Variants in ECE1 observed in about 807,000 individuals in gnomAD.
ECE1 encodes the protein endothelin-converting enzyme 1.
In ECE1, 35 loss-of-function variants were observed where a neutral mutation model predicts 98.6. The observed-to-expected ratio is 0.35, with a 90% CI of 0.27 to 0.47. ECE1 has a LOEUF of 0.47. Among genes scored for constraint, ECE1 ranks in the 20% least tolerant of loss-of-function variants. The pLI, the probability that ECE1 is intolerant of heterozygous loss-of-function variation, is 1.00. For missense variants in ECE1, 814 were observed against 1,025.3 expected (o/e 0.79, Z 2.81); for synonymous variants, 394 against 407.1 (o/e 0.97, Z 0.39).
intron 1 of ECE1, among the ~76,000 whole-genome samples, chr1:21,301,383 A>C (rs917624428): frequency 2.0e-5 from 3 of 152,122 alleles, no homozygotes; most frequent in African/African-American, 7.2e-5. Flanking sequence ...AGTCCCAGCT[A>C]CTTGGGAGGC....
chr1:21,345,500 C>G lies in ECE1; in HGVS notation c.-122G>C. On this transcript the variant is annotated 5_prime_UTR_variant, in exon 1 of 19. Coordinates refer to the ECE1 transcript ENST00000415912. The surrounding 1 kb of genome is among the most constrained non-coding windows in gnomAD (Gnocchi z 5.1). ...GCTCGGCTGCCTGGCCCAGGCGGCG[C>G]GCTCAGCTCCAGCGGGCGAGCTCGC... 1 of 976,502 alleles carries G rather than the reference C, an allele frequency of 1.0e-6. No homozygotes were observed. Among genetic ancestry groups the G allele is most frequent in the Non-Finnish European group, 1.3e-6 (1 of 765,624 alleles). 60.5% of individuals were successfully genotyped at this position (976,502 alleles called of 1,614,324 possible). A position where few individuals can be genotyped will look rare whatever the true frequency, so the allele number is the denominator to read the frequency against.
At chr1:21,272,552 A>C in intron 4 of ECE1, 147 bp downstream of exon 4, 1 of 992,322 alleles carries the variant, frequency 1.0e-6, no homozygotes, top group Non-Finnish European at 1.6e-6. Flanking sequence ...TTGACCTCTC[A>C]AAGTGCTGGG....
In ECE1 at chr1:21,319,823, C is replaced by T. The variant is rs550314319; in HGVS notation, c.3+25553G>A. On this transcript the variant is annotated intron_variant, in intron 1 of 18. Transcript: ENST00000415912. This position sits in a 1 kb window ranked among gnomAD's most constrained non-coding sequence, Gnocchi z 4.4. ...AGCTGAGACAGGCTGAACAAACACACGCGGTCCCATGGCTTCTAGTGCCAG... is the reference window on the plus strand; with the variant it reads ...AGCTGAGACAGGCTGAACAAACACATGCGGTCCCATGGCTTCTAGTGCCAG... 6.6e-6 allele frequency among the ~76,000 whole-genome samples: 1 copy of T among 152,278 alleles called. No homozygotes were observed. Among genetic ancestry groups the T allele is most frequent in the African/African-American group, 2.4e-5 (1 of 41,566 alleles).
rs919299788 is a variant in ECE1, at chr1:21,219,671, T to G, written c.*284A>C. The G allele has an allele frequency of 2.0e-5, 10 of 506,134 alleles. No homozygotes were observed. Among genetic ancestry groups the G allele is most frequent in the African/African-American group, 1.3e-4 (7 of 52,356 alleles). The allele number at this position is 506,134 out of a possible 1,614,324, so 31.4% of individuals were successfully genotyped here. On this transcript the variant is annotated 3_prime_UTR_variant, in exon 19 of 19. Transcript: ENST00000374893. The surrounding 1 kb of genome is among the most constrained non-coding windows in gnomAD (Gnocchi z 4.5). ...GTGGTATTTGTGGCGTATCTGGCGC[T>G]TGTCAGTGTGGGGCCCAGGCCTGAT...
At chr1:21,305,384 G>T (rs1638573769) in intron 1 of ECE1, among the ~76,000 whole-genome samples, 1 of 152,200 alleles carries the variant, frequency 6.6e-6, no homozygotes, top group Non-Finnish European at 1.5e-5. Flanking sequence ...GAAGGCAAAA[G>T]AAATAAACAG....
intron 10 of ECE1, among the ~76,000 whole-genome samples, chr1:21,241,914 C>T (rs1020982299): frequency 2.6e-5 from 4 of 152,126 alleles, no homozygotes; most frequent in African/African-American, 9.7e-5. Flanking sequence ...TGAGTCAGGT[C>T]TGGGAAGATG....
chr1:21,253,524 AGGCCGAGGCG>A (rs1202893922), intron 8 of ECE1, among the ~76,000 whole-genome samples: 2 of 151,484 alleles, frequency 1.3e-5, no homozygotes, highest in Non-Finnish European at 2.9e-5. Flanking sequence ...ACACTCTGGG[AGGCCGAGGCG>A]GGCAACTCAC....
At chr1:21,315,154 G>C (rs1638806607) in intron 1 of ECE1, among the ~76,000 whole-genome samples, 2 of 152,182 alleles carry the variant, frequency 1.3e-5, no homozygotes. Context: ...TTTAACAGAT[G>C]GGGGTGATAA....
chr1:21,255,776 G>A (rs1382532830), intron 8 of ECE1, among the ~76,000 whole-genome samples, 171 bp downstream of exon 8: 1 of 152,180 alleles, frequency 6.6e-6, no homozygotes, highest in Non-Finnish European at 1.5e-5. Flanking sequence ...CAGGTAACTT[G>A]ACCTTTCTGA....
At chr1:21,288,192 G>A (rs965388147) in intron 2 of ECE1, among the ~76,000 whole-genome samples, 1 of 152,198 alleles carries the variant, frequency 6.6e-6, no homozygotes, top group Non-Finnish European at 1.5e-5. Context: ...GTATCCATTT[G>A]GGGACAGGAC....
intron 1 of ECE1, among the ~76,000 whole-genome samples, chr1:21,344,190 A>G (rs113946378): frequency 1.3e-5 from 2 of 152,144 alleles, no homozygotes; most frequent in African/African-American, 4.8e-5. Context: ...GCGGGTTGTA[A>G]GGGGACTCCA....
chr1:21,333,650 T>G (rs1422257590), intron 1 of ECE1, among the ~76,000 whole-genome samples: 3 of 152,090 alleles, frequency 2.0e-5, no homozygotes, highest in Non-Finnish European at 4.4e-5. Flanking sequence ...CTGGCCAACA[T>G]GGTGAAACCC....
Position 21,220,081 on chromosome 1 carries a change from G to A in ECE1, c.2187C>T (p.Thr729=), listed in dbSNP as rs771942376. Residue 729 remains threonine (T), a synonymous_variant, in exon 19 of 19, where the codon ACC becomes ACT. Coordinates refer to ENST00000374893, the MANE Select transcript of ECE1 (RefSeq NM_001397.3). The surrounding 1 kb of genome is among the most constrained non-coding windows in gnomAD (Gnocchi z 5.0). ...GGAAGCGAGAGGGGCTGTGGGGATC[G>A]GTGATGAGGCCTTCGTGGGAGCTCT... ...TPESSHEGLI[T]DPHSPSRFRV... The A allele has an allele frequency of 4.1e-5, 66 of 1,614,046 alleles. No individual in the cohort carries two copies. The highest frequency in any genetic ancestry group is 8.3e-5 in the Admixed American group (5 of 59,996).
At chr1:21,314,884 G>GT (rs1225108706) in intron 1 of ECE1, among the ~76,000 whole-genome samples, 4 of 152,244 alleles carry the variant, frequency 2.6e-5, no homozygotes, top group Non-Finnish European at 4.4e-5. Context: ...CATAGAAACT[G>GT]TTTGACCTAT....
intron 11 of ECE1, 102 bp from the exon 12 acceptor site, chr1:21,236,946 T>C: frequency 1.7e-6 from 2 of 1,150,174 alleles, no homozygotes; most frequent in Non-Finnish European, 2.6e-6. Context: ...TTAAACTCAA[T>C]TTTCCAAGCG....
In ECE1 at chr1:21,260,675, G is replaced by A. The variant is rs1451641343; in HGVS notation, c.494-283C>T. ...GTTGGGTTCACAGACGTGTCCCCGG[G>A]TTGACCGCACGTGCCCACCAGCAGG... On this transcript the variant is annotated intron_variant, in intron 4 of 18. Coordinates refer to ENST00000374893, the MANE Select transcript of ECE1 (RefSeq NM_001397.3). This position sits in a 1 kb window ranked among gnomAD's most constrained non-coding sequence, Gnocchi z 4.3. Among the ~76,000 whole-genome samples, 3 of 152,168 alleles carry A rather than the reference G, an allele frequency of 2.0e-5. No homozygotes were observed. Among genetic ancestry groups the A allele is most frequent in the East Asian group, 3.9e-4 (2 of 5,190 alleles).
rs369263126 is a variant in ECE1 at position 21,330,036 on chromosome 1, A to G, written c.3+15340T>C. 1.9e-3 allele frequency among the ~76,000 whole-genome samples: 293 copies of G among 151,954 alleles called. 8 individuals carry two copies. In the South Asian group the frequency reaches 0.03, roughly 15 times the overall value. Reference sequence around the variant, plus strand: ...CTACTACTAGCTTTGCCTGGCTGGCAAACTCCTACCCATCCTTCAAGACCC... The same window carrying G: ...CTACTACTAGCTTTGCCTGGCTGGCGAACTCCTACCCATCCTTCAAGACCC... On this transcript the variant is annotated intron_variant, in intron 1 of 18. Coordinates refer to the ECE1 transcript ENST00000415912.
At chr1:21,313,182 A>T (rs2103392889) in intron 1 of ECE1, among the ~76,000 whole-genome samples, 1 of 151,906 alleles carries the variant, frequency 6.6e-6, no homozygotes, top group Non-Finnish European at 1.5e-5. Context: ...GCCAAGGCCA[A>T]CTCCCCTTGT....
intron 2 of ECE1, among the ~76,000 whole-genome samples, chr1:21,284,783 C>T (rs1014224620): frequency 5.1e-4 from 78 of 152,138 alleles, no homozygotes; most frequent in African/African-American, 1.2e-4. Flanking sequence ...AGAGTCAGGT[C>T]GGAAGGGAAG....
Sources: allele counts gnomAD v4.1 joint callset (sites outside exome capture counted in the v4.1 genomes callset), GRCh38; gene constraint gnomAD v4.1.1; non-coding constraint Gnocchi (gnomAD v3.1); transcripts MANE v1.5; gene names NCBI Gene and HGNC (gene_info 2026-07-23, HGNC 2026-07-21).